Variants in MUC5AC observed in about 807,000 individuals in gnomAD.
MUC5AC encodes mucin-5AC.
Under a neutral mutation model 169.7 loss-of-function variants are expected in MUC5AC, and 158 were observed. The observed-to-expected ratio is 0.93, with a 90% CI of 0.82 to 1.06. The LOEUF (loss-of-function observed/expected upper bound fraction) is 1.06, where lower values mean the gene tolerates loss of function less well. Among genes scored for constraint, MUC5AC ranks in the 50% least tolerant of loss-of-function variants. The pLI, the probability that MUC5AC is intolerant of heterozygous loss-of-function variation, is 0.00. For synonymous variants in MUC5AC, 1,975 were observed against 1,237.0 expected (o/e 1.60, Z -12.52); for missense variants, 4,359 against 3,089.9 (o/e 1.41, Z -9.74).
In MUC5AC at chr11:1,190,220, G is replaced by A. The variant is rs1432672705; in HGVS notation, c.12075G>A (p.Glu4025=). The change falls in exon 31 of 49, where the codon GAG becomes GAA. Residue 4025 remains glutamate (E), a synonymous_variant. Coordinates refer to ENST00000621226, the MANE Select transcript of MUC5AC (RefSeq NM_001304359.2). The stretch of plus-strand genomic sequence containing the variant: ...AGGTGGTGCAGTGCAGCCGGGAAGA[G>A]GGCCTGGTGTGCCGGAACCAGGACC... ...LGQVVQCSRE[E]GLVCRNQDQQ... 1 of 752,052 alleles carries A rather than the reference G, an allele frequency of 1.3e-6. No homozygotes were observed. The highest frequency in any genetic ancestry group is 1.7e-5 in the African/African-American group (1 of 58,384). The allele number at this position is 752,052 out of a possible 1,614,324, so 46.6% of individuals were successfully genotyped here. A position where few individuals can be genotyped will look rare whatever the true frequency, so the allele number is the denominator to read the frequency against.
In MUC5AC at chr11:1,161,523, G is replaced by T. The variant is rs756734924; in HGVS notation, c.152-4G>T. 4 of 1,596,382 alleles carry T rather than the reference G, an allele frequency of 2.5e-6. No individual in the cohort carries two copies. In the East Asian group the frequency reaches 6.8e-5, roughly 27 times the overall value. Reference sequence around the variant, plus strand: ...GTGAATCCTACCAGCCCCTGTCTCCGCAGGGGTCCCGCTCCGTGGGGCGAC... The same window carrying T: ...GTGAATCCTACCAGCCCCTGTCTCCTCAGGGGTCCCGCTCCGTGGGGCGAC... On this transcript the variant is annotated splice_region_variant and splice_polypyrimidine_tract_variant and intron_variant, in intron 2 of 48. Coordinates refer to ENST00000621226, the MANE Select transcript of MUC5AC (RefSeq NM_001304359.2).
chr11:1,162,098 A>T lies in MUC5AC; in HGVS notation c.403A>T (p.Arg135Trp). The T allele has an allele frequency of 6.2e-7, 1 of 1,612,674 alleles. No homozygotes were observed. Among genetic ancestry groups the T allele is most frequent in the Non-Finnish European group, 8.5e-7 (1 of 1,179,844 alleles). ...SQESAAPTLS[R>W]VLMKVDGVVI... ...GGAGTCAGCGGCCCCCACGCTGAGC[A>T]GGGTCCTCATGAAGGTGGATGGCGT... is the stretch of plus-strand genomic sequence containing the variant. Residue 135 changes from arginine to tryptophan, a missense_variant, in exon 4 of 49, where the codon AGG (arginine) becomes TGG (tryptophan). Physicochemically the swap from Arg to Trp is moderately radical, Grantham distance 101. Transcript: ENST00000621226.
intron 11 of MUC5AC, among the ~76,000 whole-genome samples, chr11:1,166,943 C>CA (rs1860350161): frequency 8.5e-4 from 4 of 4,702 alleles, no homozygotes; most frequent in Non-Finnish European, 2.1e-3. Context: ...CACAGTCTCC[C>CA]CAAGATGAGA....
intron 41 of MUC5AC, 25 bp from the exon 42 acceptor site, chr11:1,197,878 A>C (rs1328708364): frequency 2.9e-6 from 2 of 700,998 alleles, no homozygotes; most frequent in Admixed American, 2.0e-5. Context: ...ACAGACTCCT[A>C]ATTGCCTCAC....
Position 1,178,511 on chromosome 11 carries a change from G to C in MUC5AC, c.3155G>C (p.Arg1052Pro). ...GTTAATGACTTTGCCACGCGGAGCC[G>C]GTCTGTGGTGGGGGACGTGCTGGAG... ...IAVNDFATRS[R>P]SVVGDVLEFG... Residue 1052 changes from arginine to proline, a missense_variant, in exon 25 of 49, where the codon CGG becomes CCG. Coordinates refer to ENST00000621226, the MANE Select transcript of MUC5AC (RefSeq NM_001304359.2). 8.1e-7 allele frequency: 1 copy of C among 1,227,496 alleles called. No homozygotes were observed. Among genetic ancestry groups the C allele is most frequent in the Non-Finnish European group, 1.1e-6 (1 of 930,010 alleles). 76.0% of individuals were successfully genotyped at this position (1,227,496 alleles called of 1,614,324 possible). A position where few individuals can be genotyped will look rare whatever the true frequency, so the allele number is the denominator to read the frequency against.
At chr11:1,158,099 C>G (rs1273699907) in intron 1 of MUC5AC, 27 bp downstream of exon 1, 2 of 1,575,836 alleles carry the variant, frequency 1.3e-6, no homozygotes, top group South Asian at 2.3e-5. Context: ...GGCCGCTCTA[C>G]TGGTCCTGGG....
chr11:1,168,229 C>T lies in MUC5AC; in HGVS notation c.1497+242C>T, dbSNP rs574741982. 1.1e-4 allele frequency among the ~76,000 whole-genome samples: 17 copies of T among 152,294 alleles called. No individual in the cohort carries two copies. The East Asian group carries it at 1.5e-3, about 14-fold the overall frequency. The stretch of plus-strand genomic sequence containing the variant: ...GGGGCCCCAGGAAGGAGGGACTGGG[C>T]GCACCTGCGGCCAGCATGGCTTCTC... On this transcript the variant is annotated intron_variant, in intron 12 of 48. Transcript: ENST00000621226.
rs1187577874 is a variant in MUC5AC at position 1,197,988 on chromosome 11, C to A, written c.16119C>A (p.Cys5373Ter). The A allele has an allele frequency of 4.2e-6, 3 of 719,460 alleles. No homozygotes were observed. Among genetic ancestry groups the A allele is most frequent in the Non-Finnish European group, 7.6e-6 (3 of 395,806 alleles). The allele number at this position is 719,460 out of a possible 1,614,324, so 44.6% of individuals were successfully genotyped here. The change falls in exon 42 of 49, where the codon TGC becomes TGA. Residue 5373 changes from cysteine to a stop codon, truncating the protein, a stop_gained. Transcript: ENST00000621226. LOFTEE classifies it high-confidence loss of function. ...AIPTYQEGAC[C>*]PVQNCSWTVC... ...CGACCTACCAGGAGGGGGCCTGCTG[C>A]CCAGTCCAAAACTGCAGTGAGTGGC...
At chr11:1,179,371 A>C in intron 26 of MUC5AC, 123 bp downstream of exon 26, 1 of 461,304 alleles carries the variant, frequency 2.2e-6, no homozygotes, top group Non-Finnish European at 3.9e-6. Context: ...AAACAGAAAC[A>C]CCTGGGCCCA....
At chr11:1,171,206 C>T (rs1375958282) in intron 15 of MUC5AC, among the ~76,000 whole-genome samples, 1 of 127,012 alleles carries the variant, frequency 7.9e-6, no homozygotes, top group Non-Finnish European at 1.6e-5. Context: ...CTCACTCACT[C>T]AACTTACTCA....
rs1400083141 is a variant in MUC5AC at position 1,182,197 on chromosome 11, C to T, written c.4052C>T (p.Ala1351Val). The T allele has an allele frequency of 3.0e-5, 12 of 398,720 alleles. No homozygotes were observed. The South Asian group carries it at 5.1e-4, about 17-fold the overall frequency. The allele number at this position is 398,720 out of a possible 1,614,324, so 24.7% of individuals were successfully genotyped here. A position where few individuals can be genotyped will look rare whatever the true frequency, so the allele number is the denominator to read the frequency against. Residue 1351 changes from alanine to valine, a missense_variant, in exon 31 of 49, where the codon GCG (alanine) becomes GTG (valine). By Grantham distance (64) the Ala-to-Val change is moderately conservative. Coordinates refer to ENST00000621226, the MANE Select transcript of MUC5AC (RefSeq NM_001304359.2). ...ACCCCCAGCAATGGCCCAAGCAGCG[C>T]GCACACAGGCCCTCCGAGCAGCGCC... ...THTPSNGPSS[A>V]HTGPPSSAWP... is the part of the protein sequence containing the mutation.
At chr11:1,163,200 G>A (rs1439719689) in intron 6 of MUC5AC, among the ~76,000 whole-genome samples, 155 bp downstream of exon 6, 2 of 152,324 alleles carry the variant, frequency 1.3e-5, no homozygotes, top group South Asian at 2.1e-4. Flanking sequence ...GTGCACACAC[G>A]CGATCCCGCA....
chr11:1,195,395 T>C (rs1027117147), intron 36 of MUC5AC, 116 bp downstream of exon 36: 5 of 444,692 alleles, frequency 1.1e-5, no homozygotes, highest in African/African-American at 1.0e-4. Flanking sequence ...AAACGAGAGC[T>C]GCTGGTACCA....
Position 1,190,277 on chromosome 11 carries a change from C to T in MUC5AC, c.12132C>T (p.Tyr4044=), listed in dbSNP as rs1296666032. The part of the protein sequence containing the change: ...QQGPFKMCLN[Y]EVRVLCCETP... ...GACCCTTCAAGATGTGCCTCAACTA[C>T]GAGGTGCGTGTGCTCTGCTGCGAGA... The change falls in exon 31 of 49, where the codon TAC becomes TAT. Residue 4044 remains tyrosine, a synonymous_variant. Transcript: ENST00000621226. 5.7e-5 allele frequency: 41 copies of T among 713,716 alleles called. No individual in the cohort carries two copies. Among genetic ancestry groups the T allele is most frequent in the Non-Finnish European group, 9.2e-5 (36 of 392,378 alleles). The allele number at this position is 713,716 out of a possible 1,614,324, so 44.2% of individuals were successfully genotyped here.
In MUC5AC at chr11:1,172,895, C is replaced by A. The variant is rs1196779756; in HGVS notation, c.1965+372C>A. Among the ~76,000 whole-genome samples the A allele has an allele frequency of 7.3e-5, 11 of 151,246 alleles. No homozygotes were observed. The South Asian group carries it at 2.3e-3, about 32-fold the overall frequency. On this transcript the variant is annotated intron_variant, in intron 16 of 48. Transcript: ENST00000621226. Reference sequence around the variant, plus strand: ...TCACCCATTCACCCATTTGCCCCCCCACTCACTCACCTATTCACCCATTTA... The same window carrying A: ...TCACCCATTCACCCATTTGCCCCCCAACTCACTCACCTATTCACCCATTTA...
rs1252196884 is a variant in MUC5AC, at chr11:1,194,195, G to A, written c.14841G>A (p.Leu4947=). The change falls in exon 34 of 49, where the codon CTG becomes CTA. Residue 4947 remains leucine, a synonymous_variant. Transcript: ENST00000621226. ...TCCTGGACAACTGCACGTACGTGCT[G>A]GTGCAGCAGATTGTGCCCGTGTATG... is the stretch of plus-strand genomic sequence containing the variant. ...YTFLDNCTYV[L]VQQIVPVYGH... The A allele has an allele frequency of 7.8e-6, 6 of 765,096 alleles. No individual in the cohort carries two copies. The highest frequency in any genetic ancestry group is 1.3e-5 in the South Asian group (1 of 74,630). The allele number at this position is 765,096 out of a possible 1,614,324, so 47.4% of individuals were successfully genotyped here. A position where few individuals can be genotyped will look rare whatever the true frequency, so the allele number is the denominator to read the frequency against.
chr11:1,158,451 T>G (rs1026053833), intron 1 of MUC5AC, among the ~76,000 whole-genome samples: 1 of 152,224 alleles, frequency 6.6e-6, no homozygotes. Context: ...CCCAGGCACC[T>G]GCCCTTGCAC....
intron 15 of MUC5AC, 46 bp downstream of exon 15, chr11:1,169,072 G>T (rs1202657836): frequency 6.7e-7 from 1 of 1,499,020 alleles, no homozygotes; most frequent in South Asian, 1.4e-5. Context: ...CCTGGCGCTG[G>T]TTCACCCGCT....
Position 1,188,596 on chromosome 11 carries a change from C to A in MUC5AC, c.10451C>A (p.Thr3484Asn), listed in dbSNP as rs1861011546. 1 of 764,774 alleles carries A rather than the reference C, an allele frequency of 1.3e-6. No homozygotes were observed. The highest frequency in any genetic ancestry group is 2.4e-6 in the Non-Finnish European group (1 of 417,744). The allele number at this position is 764,774 out of a possible 1,614,324, so 47.4% of individuals were successfully genotyped here. ...ATSSTTSGSGTTPSPVTTTST... is the reference protein window; with the variant it reads ...ATSSTTSGSGNTPSPVTTTST... ...AGCAGCACAACCTCCGGTTCTGGAA[C>A]TACTCCCAGCCCTGTTACCACCACC... The change falls in exon 31 of 49, where the codon ACT becomes AAT. Residue 3484 changes from threonine (T) to asparagine (N), a missense_variant. Transcript: ENST00000621226.
Sources: allele counts gnomAD v4.1 joint callset (sites outside exome capture counted in the v4.1 genomes callset), GRCh38; gene constraint gnomAD v4.1.1; transcripts MANE v1.5; gene names NCBI Gene and HGNC (gene_info 2026-07-23, HGNC 2026-07-21).